IQGAP2: variants seen among roughly 807,000 people sequenced by gnomAD.
IQGAP2 encodes the protein IQ motif containing GTPase activating protein 2.
A neutral mutation model predicts 201.3 loss-of-function variants in IQGAP2; 173 were observed. The observed-to-expected ratio is 0.86, with a 90% CI of 0.76 to 0.98. The LOEUF (loss-of-function observed/expected upper bound fraction) is 0.98. Ranked by LOEUF, IQGAP2 falls within the 50% of genes least tolerant of loss-of-function variation. IQGAP2 has a pLI of 0.00. For synonymous variants in IQGAP2, 675 were observed against 673.9 expected (o/e 1.00, Z -0.03); for missense variants, 1,687 against 1,864.8 (o/e 0.90, Z 1.76).
At chr5:76,669,721 A>G (rs948434058) in intron 23 of IQGAP2, among the ~76,000 whole-genome samples, 3 of 152,342 alleles carry the variant, frequency 2.0e-5, no homozygotes, top group African/African-American at 7.2e-5. Flanking sequence ...GTCTAGCCAG[A>G]AAGTGACTTA....
chr5:76,551,819 C>G (rs1197665929), intron 2 of IQGAP2, among the ~76,000 whole-genome samples: 12 of 146,916 alleles, frequency 8.2e-5, no homozygotes, highest in Admixed American at 5.4e-4. Context: ...GTCCAGCCTC[C>G]GCTGGGCATC....
chr5:76,654,144 C>A (rs1416299137), intron 18 of IQGAP2, 56 bp from the exon 19 acceptor site: 2 of 1,237,142 alleles, frequency 1.6e-6, no homozygotes, highest in East Asian at 2.4e-5. Flanking sequence ...TTGGTGATTA[C>A]TTTGACTTTT....
rs1184495413 is a variant in IQGAP2, at chr5:76,611,147, G to A, written c.1485G>A (p.Gln495=). 1 of 1,613,702 alleles carries A rather than the reference G, an allele frequency of 6.2e-7. No individual in the cohort carries two copies. Among genetic ancestry groups the A allele is most frequent in the East Asian group, 2.2e-5 (1 of 44,878 alleles). Residue 495 remains glutamine (Q), a synonymous_variant, in exon 13 of 36, where the codon CAG becomes CAA. Transcript: ENST00000274364. ...ACCCAGCCCATGCCCAGCACTACCA[G>A]GATGTTTTATACCATGCTAAATCAC... The part of the protein sequence containing the change: ...DVDPAHAQHY[Q]DVLYHAKSQK...
At position 76,589,494 on chromosome 5, in the gene IQGAP2, G is replaced by A. The variant is rs1580533475; in HGVS notation, c.527-121G>A. The A allele has an allele frequency of 1.1e-5, 6 of 561,762 alleles. No homozygotes were observed. In the East Asian group the frequency reaches 1.9e-4, roughly 18 times the overall value. 34.8% of individuals were successfully genotyped at this position (561,762 alleles called of 1,614,324 possible). On this transcript the variant is annotated intron_variant, in intron 6 of 35. Transcript: ENST00000274364. ...GGGCTAGGTTCTTCCTAAGGCTCTT[G>A]TTTACAAACAACCCCACTTCCTGAT...
intron 33 of IQGAP2, among the ~76,000 whole-genome samples, chr5:76,698,420 A>T (rs1472213568): frequency 1.3e-5 from 2 of 152,226 alleles, no homozygotes; most frequent in East Asian, 3.8e-4. Context: ...AAGCACTTTC[A>T]TTATTCCTTT....
chr5:76,628,624 A>T (rs1024340890), intron 14 of IQGAP2: 1 of 425,048 alleles, frequency 2.4e-6, no homozygotes, highest in African/African-American at 2.1e-5. Context: ...GCATAATTAG[A>T]ATCTATTCTG....
intron 13 of IQGAP2, among the ~76,000 whole-genome samples, chr5:76,626,710 TC>T (rs1252127521): frequency 6.6e-6 from 1 of 152,150 alleles, no homozygotes; most frequent in Admixed American, 6.5e-5. Flanking sequence ...ATTAAAAATA[TC>T]CCATGGTACC....
chr5:76,421,477 C>A (rs774478523), intron 1 of IQGAP2, among the ~76,000 whole-genome samples: 1 of 151,836 alleles, frequency 6.6e-6, no homozygotes, highest in Non-Finnish European at 1.5e-5. Context: ...ATTAGCTGGT[C>A]GTGGTGGTGT....
chr5:76,518,121 G>T (rs1758449696), intron 2 of IQGAP2, among the ~76,000 whole-genome samples: 1 of 151,966 alleles, frequency 6.6e-6, no homozygotes, highest in East Asian at 1.9e-4. Flanking sequence ...CCATGCCCAG[G>T]TAATTTTTCT....
At chr5:76,523,883 C>T (rs1758825681) in intron 2 of IQGAP2, among the ~76,000 whole-genome samples, 1 of 152,146 alleles carries the variant, frequency 6.6e-6, no homozygotes, top group Non-Finnish European at 1.5e-5. Context: ...TATCCGTACT[C>T]TCCACCTCGG....
chr5:76,492,315 C>T (rs1040960350), intron 2 of IQGAP2, among the ~76,000 whole-genome samples: 11 of 152,128 alleles, frequency 7.2e-5, no homozygotes, highest in African/African-American at 1.4e-4. Flanking sequence ...AGGTGCCGGA[C>T]GGCTCAGGCC....
chr5:76,613,176 G>A (rs867955149), intron 13 of IQGAP2, among the ~76,000 whole-genome samples: 5 of 152,228 alleles, frequency 3.3e-5, no homozygotes, highest in African/African-American at 7.2e-5. Flanking sequence ...GGCTCAGGGC[G>A]AATGCCTGGC....
intron 1 of IQGAP2, among the ~76,000 whole-genome samples, chr5:76,429,416 C>CA (rs1473590497): frequency 6.6e-6 from 1 of 150,804 alleles, no homozygotes; most frequent in African/African-American, 2.4e-5. Context: ...ACTAAAAATA[C>CA]AAAAAATTAG....
intron 1 of IQGAP2, among the ~76,000 whole-genome samples, chr5:76,448,686 A>T (rs1474195953): frequency 6.6e-6 from 1 of 152,198 alleles, no homozygotes; most frequent in Non-Finnish European, 1.5e-5. Context: ...GAGAGCCATT[A>T]TCTTTAATCT....
chr5:76,564,058 A>G (rs1408540502), intron 3 of IQGAP2, among the ~76,000 whole-genome samples: 2 of 152,214 alleles, frequency 1.3e-5, no homozygotes, highest in African/African-American at 4.8e-5. Context: ...AAAAATGTTT[A>G]CATTTATTAA....
chr5:76,693,450 G>C lies in IQGAP2; in HGVS notation c.3993+8G>C. On this transcript the variant is annotated splice_region_variant and intron_variant, in intron 31 of 35. Coordinates refer to ENST00000274364, the MANE Select transcript of IQGAP2 (RefSeq NM_006633.5). The stretch of plus-strand genomic sequence containing the variant: ...CCAGCAACTGCGCAACAGGTAATTT[G>C]ACTTTAAGTGTAAAATAATAATAGA... The C allele has an allele frequency of 6.5e-7, 1 of 1,543,506 alleles. No homozygotes were observed. Among genetic ancestry groups the C allele is most frequent in the East Asian group, 2.2e-5 (1 of 44,514 alleles).
At chr5:76,452,259 T>C in intron 1 of IQGAP2, among the ~76,000 whole-genome samples, 1 of 151,110 alleles carries the variant, frequency 6.6e-6, no homozygotes, top group Non-Finnish European at 1.5e-5. Flanking sequence ...GTTTTTATTA[T>C]ACTTTAAGTT....
intron 22 of IQGAP2, among the ~76,000 whole-genome samples, chr5:76,667,405 T>TGG (rs1014193978): frequency 6.6e-6 from 1 of 152,212 alleles, no homozygotes; most frequent in Non-Finnish European, 1.5e-5. Flanking sequence ...TTTTCAAGTA[T>TGG]GGAAAAATTT....
intron 2 of IQGAP2, among the ~76,000 whole-genome samples, chr5:76,513,447 C>G (rs1758110806): frequency 6.6e-6 from 1 of 152,204 alleles, no homozygotes; most frequent in African/African-American, 2.4e-5. Flanking sequence ...AACACTTAAA[C>G]TAGTTTGCGT....
Sources: allele counts gnomAD v4.1 joint callset (sites outside exome capture counted in the v4.1 genomes callset), GRCh38; gene constraint gnomAD v4.1.1; transcripts MANE v1.5; gene names NCBI Gene and HGNC (gene_info 2026-07-23, HGNC 2026-07-21).